MAD1L1: variants seen among roughly 807,000 people sequenced by gnomAD.
MAD1L1 encodes the protein mitotic spindle assembly checkpoint protein MAD1.
MAD1L1 carries 95 observed loss-of-function variants against 96.9 expected under a neutral mutation model. The observed-to-expected ratio is 0.98, with a 90% CI of 0.83 to 1.16. The LOEUF (loss-of-function observed/expected upper bound fraction) is 1.16. Ranked by LOEUF, MAD1L1 falls within the 50% of genes most tolerant of loss-of-function variation. MAD1L1 has a pLI of 0.00. For missense variants in MAD1L1, 1,007 were observed against 954.4 expected (o/e 1.06, Z -0.73); for synonymous variants, 473 against 396.6 (o/e 1.19, Z -2.29).
Position 2,036,923 on chromosome 7 carries a change from C to T in MAD1L1, c.1219-22281G>A, listed in dbSNP as rs1441573528. Among the ~76,000 whole-genome samples, 4 of 152,088 alleles carry T rather than the reference C, an allele frequency of 2.6e-5. No individual in the cohort carries two copies. In the South Asian group the frequency reaches 6.2e-4, roughly 24 times the overall value. ...CATACCCACCAACGCGCACGAGGCACGCTCCGCCTCCTGAACACTCCTCCC... is the reference window on the plus strand; with the variant it reads ...CATACCCACCAACGCGCACGAGGCATGCTCCGCCTCCTGAACACTCCTCCC... On this transcript the variant is annotated intron_variant, in intron 12 of 18. Transcript: ENST00000265854.
At chr7:1,964,477 AC>A (rs1323335257) in intron 15 of MAD1L1, among the ~76,000 whole-genome samples, 1 of 152,194 alleles carries the variant, frequency 6.6e-6, no homozygotes, top group Non-Finnish European at 1.5e-5. Context: ...CTCCTTTCAG[AC>A]AAACTGCTAC....
chr7:2,199,790 C>T (rs551659365), intron 10 of MAD1L1, among the ~76,000 whole-genome samples: 50 of 152,364 alleles, frequency 3.3e-4, no homozygotes, highest in South Asian at 1.0e-3. Context: ...GCCCAGACTC[C>T]GCGGTAAGGC....
Position 2,228,827 on chromosome 7 carries a change from G to A in MAD1L1, c.150+1157C>T, listed in dbSNP as rs1794048039. On this transcript the variant is annotated intron_variant, in intron 3 of 18. Coordinates refer to ENST00000265854, the MANE Select transcript of MAD1L1 (RefSeq NM_001013836.2). ...GCAATCTCAGCTCACTGCAAGCTCT[G>A]ACTCCCGGGTTCACACCATTCTCCT... Among the ~76,000 whole-genome samples, 8 of 151,594 alleles carry A rather than the reference G, an allele frequency of 5.3e-5. No individual in the cohort carries two copies. In the South Asian group the frequency reaches 1.7e-3, roughly 32 times the overall value.
chr7:1,950,797 G>A (rs1002264759), intron 16 of MAD1L1, among the ~76,000 whole-genome samples: 1 of 152,244 alleles, frequency 6.6e-6, no homozygotes, highest in African/African-American at 2.4e-5. Flanking sequence ...AGTGGGGGAT[G>A]AGCGGGCAGA....
chr7:1,879,311 C>G (rs1405544464), intron 18 of MAD1L1, among the ~76,000 whole-genome samples: 2 of 151,900 alleles, frequency 1.3e-5, no homozygotes, highest in African/African-American at 4.8e-5. Flanking sequence ...AAAACTTAGC[C>G]GGGTGTGGTG....
At chr7:1,818,831 T>C (rs11765458) in intron 18 of MAD1L1, among the ~76,000 whole-genome samples, 38,573 of 150,394 alleles carry the variant, frequency 0.26, 5,180 homozygotes, top group South Asian at 0.36. Context: ...GGAAGAATGA[T>C]GCCCTAATAT....
intron 18 of MAD1L1, among the ~76,000 whole-genome samples, chr7:1,854,009 C>T (rs1030591522): frequency 1.3e-5 from 2 of 152,220 alleles, no homozygotes; most frequent in African/African-American, 4.8e-5. Context: ...TCATGCCGTG[C>T]ACTGGGAGCT....
intron 11 of MAD1L1, among the ~76,000 whole-genome samples, chr7:2,141,310 A>G (rs1789020520): frequency 6.6e-6 from 1 of 152,236 alleles, no homozygotes; most frequent in African/African-American, 2.4e-5. Flanking sequence ...ACACCCGACC[A>G]TGCCTGCTGA....
intron 5 of MAD1L1, 133 bp from the exon 6 acceptor site, chr7:2,219,589 C>A: frequency 1.2e-6 from 1 of 817,994 alleles, no homozygotes; most frequent in Non-Finnish European, 1.8e-6. Context: ...GGCAGAGGGG[C>A]AGAGGAATAA....
rs540282432 is a variant in MAD1L1 at position 1,943,944 on chromosome 7, G to A, written c.1597-7047C>T. On this transcript the variant is annotated intron_variant, in intron 16 of 18. Transcript: ENST00000265854. ...GTTGATGACTGGATATATAAGATGC[G>A]GCCGTGCACAGTGGGGTGTTTCAGC... 5.5e-4 allele frequency among the ~76,000 whole-genome samples: 84 copies of A among 152,240 alleles called. 1 individual carries two copies. In the South Asian group the frequency reaches 7.9e-3, roughly 14 times the overall value.
chr7:2,067,600 AAACCCCCGCAGTGGTCAGCCCG>A (rs1562654772), intron 12 of MAD1L1, among the ~76,000 whole-genome samples: 1 of 132,854 alleles, frequency 7.5e-6, no homozygotes, highest in South Asian at 2.3e-4. Flanking sequence ...TGGTCAGCCC[AAACCCCCGCAGTGGTCAGCCCG>A]AACCACCGCA....
intron 17 of MAD1L1, among the ~76,000 whole-genome samples, chr7:1,899,205 G>A (rs372316062): frequency 5.9e-5 from 9 of 152,224 alleles, no homozygotes; most frequent in South Asian, 2.1e-4. Context: ...GGATAACAGC[G>A]ATTATCATGA....
intron 11 of MAD1L1, among the ~76,000 whole-genome samples, chr7:2,082,346 C>T (rs555822326): frequency 3.3e-5 from 5 of 151,684 alleles, no homozygotes; most frequent in African/African-American, 7.3e-5. Flanking sequence ...AGGGAGAGAG[C>T]GGGAGAGACA....
At chr7:2,010,942 AT>A (rs1782271929) in intron 13 of MAD1L1, among the ~76,000 whole-genome samples, 1 of 152,224 alleles carries the variant, frequency 6.6e-6, no homozygotes, top group African/African-American at 2.4e-5. Context: ...AGAGGGAAAG[AT>A]GGAGACAGGA....
intron 18 of MAD1L1, among the ~76,000 whole-genome samples, chr7:1,857,439 G>T (rs1384544230): frequency 2.0e-5 from 3 of 152,170 alleles, no homozygotes; most frequent in Non-Finnish European, 2.9e-5. Context: ...CCACAGTCAG[G>T]CCTCTGCTGT....
intron 11 of MAD1L1, among the ~76,000 whole-genome samples, chr7:2,112,185 A>G (rs1165998955): frequency 6.6e-6 from 1 of 151,600 alleles, no homozygotes; most frequent in Non-Finnish European, 1.5e-5. Context: ...CCAGACAGAA[A>G]GCATGCTGGG....
chr7:1,952,847 G>A (rs571308299), intron 16 of MAD1L1, among the ~76,000 whole-genome samples: 20 of 152,358 alleles, frequency 1.3e-4, no homozygotes, highest in African/African-American at 4.3e-4. Context: ...CAGAATGAAG[G>A]TCCCACTGAT....
intron 15 of MAD1L1, 151 bp from the exon 16 acceptor site, chr7:1,957,870 C>A (rs145495752): frequency 1.5e-6 from 1 of 667,554 alleles, no homozygotes; most frequent in South Asian, 1.9e-5. Context: ...CAGAGTCCAG[C>A]GATAACATCA....
intron 12 of MAD1L1, among the ~76,000 whole-genome samples, chr7:2,022,407 G>T (rs1301606493): frequency 2.0e-5 from 3 of 152,306 alleles, no homozygotes; most frequent in African/African-American, 7.2e-5. Flanking sequence ...GAGGCAGGTG[G>T]ATCACCCGAG....
Sources: gnomAD v4.1 joint callset for allele counts (sites outside exome capture counted in the v4.1 genomes callset) on GRCh38, gnomAD v4.1.1 for gene constraint, MANE v1.5 for transcripts, NCBI Gene and HGNC (gene_info 2026-07-23, HGNC 2026-07-21) for gene names.